The following SUGCT variants were observed in gnomAD, a reference collection of about 807,000 sequenced individuals.
SUGCT encodes the protein succinyl-CoA:glutarate-CoA transferase, also known as succinyl-CoA:glutarate CoA-transferase.
A neutral mutation model predicts 55.0 loss-of-function variants in SUGCT; 41 were observed. The ratio of observed to expected loss-of-function variants is 0.74; its 90% CI spans 0.58 to 0.97. The LOEUF is 0.97. Ranked by LOEUF, SUGCT falls within the 50% of genes least tolerant of loss-of-function variation. The pLI, the probability that SUGCT is intolerant of heterozygous loss-of-function variation, is 0.00. For synonymous variants in SUGCT, 187 were observed against 200.4 expected, an observed-to-expected ratio of 0.93 and a Z score of 0.56; for missense variants, 568 against 547.8, an observed-to-expected ratio of 1.04 and a Z score of -0.37.
chr7:40,154,094 G>T, intron 1 of SUGCT: 1 of 237,980 alleles, frequency 4.2e-6, no homozygotes, highest in South Asian at 6.9e-5. Context: ...TTTATATTTT[G>T]AAATGTACAC....
At chr7:40,973,568 T>C in the SUGCT span, among the ~76,000 whole-genome samples, 2 of 152,172 alleles carry the variant, frequency 1.3e-5, no homozygotes, top group South Asian at 2.1e-4. Context: ...AGAGAGCTAA[T>C]TAAGTAGGAA....
intron 6 of SUGCT, among the ~76,000 whole-genome samples, chr7:40,216,185 C>A (rs1289361616): frequency 6.7e-6 from 1 of 149,410 alleles, no homozygotes; most frequent in Non-Finnish European, 1.5e-5. Flanking sequence ...TGTCTTGGGG[C>A]AGATTCACAA....
intron 9 of SUGCT, among the ~76,000 whole-genome samples, chr7:40,361,434 C>T (rs1004660014): frequency 6.6e-5 from 10 of 151,938 alleles, no homozygotes; most frequent in African/African-American, 1.9e-4. Context: ...ATTAGCCAGG[C>T]GTGGTGACGG....
At chr7:40,299,048 A>G (rs962715283) in intron 8 of SUGCT, among the ~76,000 whole-genome samples, 2 of 152,224 alleles carry the variant, frequency 1.3e-5, no homozygotes, top group African/African-American at 4.8e-5. Flanking sequence ...CAATTTGTCC[A>G]ACAGTGTTCA....
intron 9 of SUGCT, among the ~76,000 whole-genome samples, chr7:40,337,093 G>A (rs545935790): frequency 5.7e-4 from 87 of 152,198 alleles, no homozygotes; most frequent in African/African-American, 1.7e-3. Flanking sequence ...TTCTAGTTTG[G>A]TTGCACTGTG....
chr7:40,740,824 G>A lies in SUGCT; in HGVS notation c.1090-8610G>A, dbSNP rs191313691. On this transcript the variant is annotated intron_variant, in intron 12 of 13. Transcript: ENST00000335693. ...ATTTTTAAAATATGTCATAAAAAGCGAAGAACAAAAGGAAAATTTCAGTAA... is the reference window on the plus strand; with the variant it reads ...ATTTTTAAAATATGTCATAAAAAGCAAAGAACAAAAGGAAAATTTCAGTAA... Among the ~76,000 whole-genome samples, 614 of 152,080 alleles carry A rather than the reference G, an allele frequency of 4.0e-3. 3 individuals are homozygous for A. Among genetic ancestry groups the A allele is most frequent in the Non-Finnish European group, 6.6e-3 (446 of 67,958 alleles).
chr7:40,286,356 A>G (rs1169665222), intron 8 of SUGCT, among the ~76,000 whole-genome samples: 1 of 152,164 alleles, frequency 6.6e-6, no homozygotes, highest in African/African-American at 2.4e-5. Flanking sequence ...CCAAGTCAAG[A>G]TACTCTCGCC....
chr7:40,651,833 A>T (rs756086248), intron 12 of SUGCT, among the ~76,000 whole-genome samples: 1 of 152,068 alleles, frequency 6.6e-6, no homozygotes, highest in Non-Finnish European at 1.5e-5. Flanking sequence ...GTTTGAGTTT[A>T]TGCGTCATTG....
intron 11 of SUGCT, among the ~76,000 whole-genome samples, chr7:40,462,221 A>G (rs1789841513): frequency 6.6e-6 from 1 of 152,170 alleles, no homozygotes; most frequent in African/African-American, 2.4e-5. Flanking sequence ...AGAAGCTTGC[A>G]AGAAATGAGA....
chr7:40,910,452 T>C, the SUGCT span, among the ~76,000 whole-genome samples: 2 of 152,152 alleles, frequency 1.3e-5, no homozygotes, highest in African/African-American at 4.8e-5. Context: ...TGTAAAAATA[T>C]GGAACATTTT....
intron 12 of SUGCT, among the ~76,000 whole-genome samples, chr7:40,592,521 C>T (rs73689828): frequency 0.022 from 3,307 of 152,130 alleles, 117 homozygotes; most frequent in African/African-American, 0.072. Flanking sequence ...TTGGAAACTT[C>T]GTATACTATA....
chr7:40,929,097 T>C, the SUGCT span, among the ~76,000 whole-genome samples: 2 of 146,830 alleles, frequency 1.4e-5, no homozygotes, highest in South Asian at 4.5e-4. Flanking sequence ...CGCCACCCCC[T>C]GACAGGCCCC....
the SUGCT span, among the ~76,000 whole-genome samples, chr7:40,956,175 A>G: frequency 2.6e-5 from 4 of 152,112 alleles, no homozygotes; most frequent in South Asian, 2.1e-4. Context: ...CTCTTTTTCT[A>G]TTGTTTGGAA....
intron 13 of SUGCT, among the ~76,000 whole-genome samples, chr7:40,856,890 T>C (rs896258798): frequency 6.6e-6 from 1 of 152,224 alleles, no homozygotes; most frequent in Non-Finnish European, 1.5e-5. Context: ...TCCCACATTA[T>C]TTGCTAATTT....
chr7:40,855,586 G>A (rs937960741), intron 13 of SUGCT, among the ~76,000 whole-genome samples: 1 of 151,600 alleles, frequency 6.6e-6, no homozygotes, highest in African/African-American at 2.4e-5. Context: ...CTTTTATTTG[G>A]TTCTCATATT....
the SUGCT span, among the ~76,000 whole-genome samples, chr7:40,952,796 C>A: frequency 6.6e-6 from 1 of 152,192 alleles, no homozygotes; most frequent in Non-Finnish European, 1.5e-5. Flanking sequence ...TCTCTTCTGG[C>A]TTGTAGAGTT....
intron 1 of SUGCT, among the ~76,000 whole-genome samples, chr7:40,150,493 A>T (rs1788503534): frequency 6.6e-6 from 1 of 152,182 alleles, no homozygotes; most frequent in African/African-American, 2.4e-5. Flanking sequence ...ACATAGTGAA[A>T]CCACATCTCT....
chr7:40,317,463 T>TGGTCCAGTTGCAC (rs1415648597), intron 9 of SUGCT, among the ~76,000 whole-genome samples: 1 of 152,224 alleles, frequency 6.6e-6, no homozygotes, highest in Non-Finnish European at 1.5e-5. Flanking sequence ...TCCAGTTGCT[T>TGGTCCAGTTGCAC]GGTCCAGTTG....
chr7:40,276,795 A>G (rs1056518675), intron 8 of SUGCT, among the ~76,000 whole-genome samples: 1 of 146,862 alleles, frequency 6.8e-6, no homozygotes, highest in African/African-American at 2.6e-5. Flanking sequence ...TGGGGTGTGC[A>G]TGTGTGTGTG....
Sources: allele counts gnomAD v4.1 joint callset (sites outside exome capture counted in the v4.1 genomes callset), GRCh38; gene constraint gnomAD v4.1.1; transcripts MANE v1.5; gene names NCBI Gene and HGNC (gene_info 2026-07-23, HGNC 2026-07-21).